XRCC6: variants seen among roughly 807,000 people sequenced by gnomAD.
XRCC6 encodes DNA repair protein Ku70.
XRCC6 carries 5 observed loss-of-function variants against 65.7 expected under a neutral mutation model. That is an observed-to-expected ratio of 0.08 (90% CI 0.04 to 0.16). XRCC6 has a LOEUF of 0.16. XRCC6 is among the 10% of genes least tolerant of loss of function. The pLI is 1.00. For synonymous variants in XRCC6, 270 were observed against 270.6 expected (o/e 1.00, Z 0.02); for missense variants, 447 against 738.1 (o/e 0.61, Z 4.57).
chr22:41,654,093 G>A (rs960610752), intron 9 of XRCC6, among the ~76,000 whole-genome samples: 1 of 152,200 alleles, frequency 6.6e-6, no homozygotes, highest in East Asian at 1.9e-4. Flanking sequence ...GAGGTATAGC[G>A]GAAAGACCAT....
chr22:41,658,258 C>A lies in XRCC6; in HGVS notation c.1428C>A (p.Asp476Glu), dbSNP rs1236067253. ...VEKLRFTYRS[D>E]SFENPVLQQH... ...TACATTATTGTTTTAACAGAAGTGA[C>A]AGCTTTGAGAACCCCGTGCTGCAGC... The change falls in exon 11 of 13, where the codon GAC becomes GAA. Residue 476 changes from aspartate to glutamate, a missense_variant. Physicochemically the swap from Asp to Glu is conservative, Grantham distance 45. Coordinates refer to ENST00000360079, the MANE Select transcript of XRCC6 (RefSeq NM_001469.5). 1.2e-6 allele frequency: 2 copies of A among 1,613,294 alleles called. No homozygotes were observed. The highest frequency in any genetic ancestry group is 2.2e-5 in the South Asian group (2 of 91,048).
In XRCC6 at chr22:41,661,314, G is replaced by C. The variant is rs1173794111; in HGVS notation, c.1523-17G>C. The C allele has an allele frequency of 1.2e-6, 2 of 1,609,190 alleles. No homozygotes were observed. The highest frequency in any genetic ancestry group is 1.7e-6 in the Non-Finnish European group (2 of 1,177,936). On this transcript the variant is annotated splice_polypyrimidine_tract_variant and intron_variant, in intron 11 of 12. Transcript: ENST00000360079. ...TCGTGACTCACCAGGCCACTCTTCT[G>C]TGTTTTGATTTTCTAGTGCCCAAGG...
At chr22:41,640,021 C>T (rs1354213306) in intron 6 of XRCC6, among the ~76,000 whole-genome samples, 1 of 151,960 alleles carries the variant, frequency 6.6e-6, no homozygotes, top group Non-Finnish European at 1.5e-5. Flanking sequence ...TTGTTTCTTC[C>T]TAAAGACCTA....
In XRCC6 at chr22:41,650,803, C is replaced by T. The variant is rs376188135; in HGVS notation, c.1041C>T (p.Leu347=). The T allele has an allele frequency of 2.5e-6, 4 of 1,613,950 alleles. No homozygotes were observed. The highest frequency in any genetic ancestry group is 3.3e-4 in the Middle Eastern group (2 of 6,056). Residue 347 remains leucine, a synonymous_variant, in exon 8 of 13, where the codon CTC becomes CTT. Coordinates refer to ENST00000360079, the MANE Select transcript of XRCC6 (RefSeq NM_001469.5). ...GGTTTGATGATCCAGGTTTGATGCT[C>T]ATGGGTTTCAAGCCGTTGGTACTGC... is the stretch of plus-strand genomic sequence containing the variant. The part of the protein sequence containing the change: ...LKRFDDPGLM[L]MGFKPLVLLK...
intron 6 of XRCC6, among the ~76,000 whole-genome samples, chr22:41,643,992 A>AG (rs1440008941): frequency 4.1e-5 from 6 of 145,898 alleles, no homozygotes; most frequent in African/African-American, 1.6e-4. Context: ...CTCAAAAAAA[A>AG]AAAAATTAGC....
rs1247848455 is a variant in XRCC6, at chr22:41,656,985, G to C, written c.1374G>C (p.Gln458His). 6.2e-7 allele frequency: 1 copy of C among 1,607,340 alleles called. No individual in the cohort carries two copies. Among genetic ancestry groups the C allele is most frequent in the African/African-American group, 1.3e-5 (1 of 74,430 alleles). Reference sequence around the variant, plus strand: ...AAAAAATCATGGCAACTCCAGAGCAGGTGGGCAAGATGAAGGCTATCGTTG... The same window carrying C: ...AAAAAATCATGGCAACTCCAGAGCACGTGGGCAAGATGAAGGCTATCGTTG... ...FTEKIMATPE[Q>H]VGKMKAIVEK... Residue 458 changes from glutamine (Q) to histidine (H), a missense_variant, in exon 10 of 13, where the codon CAG becomes CAC. By Grantham distance (24) the Gln-to-His change is conservative. This residue lies in a region of XRCC6 where 201 missense variants were observed against 374.1 expected (regional missense o/e 0.54). Coordinates refer to ENST00000360079, the MANE Select transcript of XRCC6 (RefSeq NM_001469.5).
At chr22:41,622,628 A>T (rs1487468276) in intron 2 of XRCC6, among the ~76,000 whole-genome samples, 1 of 152,100 alleles carries the variant, frequency 6.6e-6, no homozygotes, top group Non-Finnish European at 1.5e-5. Flanking sequence ...GAGCAGAAAA[A>T]TTTTGAATAT....
chr22:41,637,411 G>A (rs2067821252), intron 5 of XRCC6, among the ~76,000 whole-genome samples, 197 bp from the exon 6 acceptor site: 1 of 152,100 alleles, frequency 6.6e-6, no homozygotes, highest in African/African-American at 2.4e-5. Flanking sequence ...ATATTACCAC[G>A]AATGGTGATT....
At chr22:41,651,863 A>G (rs540773801) in intron 8 of XRCC6, among the ~76,000 whole-genome samples, 13 of 152,056 alleles carry the variant, frequency 8.5e-5, no homozygotes, top group African/African-American at 2.9e-4. Context: ...GGCTCACTGC[A>G]ATCTCCGTCC....
At chr22:41,627,054 G>A (rs1215905108) in intron 2 of XRCC6, among the ~76,000 whole-genome samples, 1 of 152,300 alleles carries the variant, frequency 6.6e-6, no homozygotes, top group South Asian at 2.1e-4. Flanking sequence ...GGGATTACAG[G>A]CATGAGCCAC....
chr22:41,646,856 A>G lies in XRCC6; in HGVS notation c.774-40A>G, dbSNP rs553905773. ...GAGGGAATTTTAGATAGAAAAGTGC[A>G]GTTTTTCAGTTCATGCTCTTTCATT... On this transcript the variant is annotated intron_variant, in intron 6 of 12. Coordinates refer to ENST00000360079, the MANE Select transcript of XRCC6 (RefSeq NM_001469.5). 129 of 1,524,540 alleles carry G rather than the reference A, an allele frequency of 8.5e-5. 3 individuals carry two copies. In the South Asian group the frequency reaches 1.6e-3, roughly 19 times the overall value. 94.4% of individuals were successfully genotyped at this position (1,524,540 alleles called of 1,614,324 possible). A position where few individuals can be genotyped will look rare whatever the true frequency, so the allele number is the denominator to read the frequency against.
chr22:41,657,499 ATTAT>A (rs2068055960), intron 10 of XRCC6, among the ~76,000 whole-genome samples: 1 of 24,470 alleles, frequency 4.1e-5, no homozygotes, highest in African/African-American at 8.1e-5. Flanking sequence ...ATTTATTATT[ATTAT>A]TATTATTATT....
chr22:41,635,762 G>A (rs1434662709), intron 3 of XRCC6, among the ~76,000 whole-genome samples: 2 of 151,518 alleles, frequency 1.3e-5, no homozygotes, highest in East Asian at 1.9e-4. Flanking sequence ...GGCTGGTCTC[G>A]ATCTCCTAGG....
intron 6 of XRCC6, among the ~76,000 whole-genome samples, chr22:41,638,306 G>C (rs180800707): frequency 2.5e-4 from 38 of 152,240 alleles, no homozygotes; most frequent in African/African-American, 8.2e-4. Flanking sequence ...TTTTGTCATT[G>C]TGCAAACATA....
At chr22:41,651,485 G>A (rs1346775127) in intron 8 of XRCC6, among the ~76,000 whole-genome samples, 2 of 140,436 alleles carry the variant, frequency 1.4e-5, no homozygotes, top group African/African-American at 2.6e-5. Context: ...TCTGCCTCCC[G>A]GGTGAGGACT....
In XRCC6 at chr22:41,663,063, AGAGT is replaced by A. The variant is rs759052123; in HGVS notation, c.1637-555_1637-552del. 7.0e-4 allele frequency among the ~76,000 whole-genome samples: 107 copies of A among 152,278 alleles called. 1 individual carries two copies. In the Middle Eastern group the frequency reaches 0.014, roughly 19 times the overall value. The stretch of plus-strand genomic sequence containing the variant: ...ACCATTGCACTCCAGCCTCGGTGAT[AGAGT>A]GAGACTCCATCTCAAAAATGATACA... On this transcript the variant is annotated intron_variant, in intron 12 of 12. Transcript: ENST00000360079.
intron 9 of XRCC6, among the ~76,000 whole-genome samples, chr22:41,654,636 A>C (rs1033940141): frequency 6.6e-6 from 1 of 152,192 alleles, no homozygotes; most frequent in African/African-American, 2.4e-5. Context: ...ACTGAACTAA[A>C]ATCAGCCTGA....
In XRCC6 at chr22:41,663,681, A is replaced by G; in HGVS notation, c.1696A>G (p.Thr566Ala). Residue 566 changes from threonine (T) to alanine (A), a missense_variant, in exon 13 of 13, where the codon ACC becomes GCC. Physicochemically the swap from Thr to Ala is moderately conservative, Grantham distance 58. Transcript: ENST00000360079. ...KVEYSEEELKTHISKGTLGKF... is the reference protein window; with the variant it reads ...KVEYSEEELKAHISKGTLGKF... ...GGAGTATTCAGAAGAGGAGCTGAAG[A>G]CCCACATCAGCAAGGGTACGCTGGG... 6.2e-7 allele frequency: 1 copy of G among 1,613,944 alleles called. No homozygotes were observed. The highest frequency in any genetic ancestry group is 8.5e-7 in the Non-Finnish European group (1 of 1,179,854).
At chr22:41,630,993 G>A (rs2067737680) in intron 3 of XRCC6, among the ~76,000 whole-genome samples, 1 of 152,176 alleles carries the variant, frequency 6.6e-6, no homozygotes, top group African/African-American at 2.4e-5. Flanking sequence ...CTCCCAGACG[G>A]GGTGGTGGCT....
Sources: allele counts gnomAD v4.1 joint callset (sites outside exome capture counted in the v4.1 genomes callset), GRCh38; gene constraint gnomAD v4.1.1; regional missense constraint gnomAD v4.1.1; transcripts MANE v1.5; gene names NCBI Gene and HGNC (gene_info 2026-07-23, HGNC 2026-07-21).